NID1: variants seen among roughly 807,000 people sequenced by gnomAD.
NID1 encodes nidogen-1.
A neutral mutation model predicts 130.6 loss-of-function variants in NID1; 76 were observed. The observed-to-expected ratio is 0.58, with a 90% CI of 0.48 to 0.70. The LOEUF (loss-of-function observed/expected upper bound fraction) is 0.70, where lower values mean the gene tolerates loss of function less well. Ranked by LOEUF, NID1 falls within the 30% of genes least tolerant of loss-of-function variation. The probability of loss-of-function intolerance (pLI) is 0.00; values close to 1 mark genes in which losing one functional copy is unlikely to be tolerated. For missense variants in NID1, 1,517 were observed against 1,664.8 expected, an observed-to-expected ratio of 0.91 and a Z score of 1.54; for synonymous variants, 665 against 675.1, an observed-to-expected ratio of 0.98 and a Z score of 0.23.
intron 1 of NID1, among the ~76,000 whole-genome samples, chr1:236,050,800 G>C (rs1659744578): frequency 6.6e-6 from 1 of 151,838 alleles, no homozygotes; most frequent in Non-Finnish European, 1.5e-5. Flanking sequence ...TCCCCTAGCT[G>C]GGTGCAGAGG....
intron 17 of NID1, among the ~76,000 whole-genome samples, chr1:235,980,181 G>T (rs1269146065): frequency 6.6e-6 from 1 of 152,196 alleles, no homozygotes; most frequent in Non-Finnish European, 1.5e-5. Context: ...TTGCTTATCG[G>T]TATCAGGGTG....
At chr1:236,001,105 GAT>G (rs1491401786) in intron 12 of NID1, among the ~76,000 whole-genome samples, 2 of 141,560 alleles carry the variant, frequency 1.4e-5, no homozygotes, top group South Asian at 2.2e-4. Context: ...CTGGCTTTGA[GAT>G]TTTTTTTTTT....
intron 1 of NID1, among the ~76,000 whole-genome samples, chr1:236,052,271 C>G (rs1427928002): frequency 6.6e-6 from 1 of 152,200 alleles, no homozygotes; most frequent in Non-Finnish European, 1.5e-5. Context: ...AGCCTTGTTC[C>G]TTTTCTCCAT....
intron 4 of NID1, among the ~76,000 whole-genome samples, chr1:236,040,140 G>T (rs1659406918): frequency 6.6e-6 from 1 of 152,126 alleles, no homozygotes; most frequent in African/African-American, 2.4e-5. Flanking sequence ...CCTAGAAAGG[G>T]TGGAGACAGG....
intron 15 of NID1, among the ~76,000 whole-genome samples, chr1:235,985,046 A>C (rs1480227832): frequency 6.6e-6 from 1 of 152,102 alleles, no homozygotes; most frequent in Non-Finnish European, 1.5e-5. Context: ...ACAAAAAATT[A>C]GCCAGGCATG....
intron 12 of NID1, among the ~76,000 whole-genome samples, chr1:236,011,216 A>G (rs1658399936): frequency 6.6e-6 from 1 of 152,188 alleles, no homozygotes; most frequent in South Asian, 2.1e-4. Context: ...TGGCATGAAT[A>G]TATCTGACCA....
At chr1:236,045,953 T>C (rs1391226467) in intron 2 of NID1, among the ~76,000 whole-genome samples, 1 of 152,216 alleles carries the variant, frequency 6.6e-6, no homozygotes, top group African/African-American at 2.4e-5. Flanking sequence ...CCAAAAATTA[T>C]ACAGATGGTA....
intron 1 of NID1, 133 bp downstream of exon 1, chr1:236,064,722 C>A (rs1558455068): frequency 1.4e-6 from 1 of 730,262 alleles, no homozygotes; most frequent in Non-Finnish European, 2.2e-6. Flanking sequence ...GGAGACCCTG[C>A]GCCGTGCCCG....
chr1:236,064,179 G>C (rs952871454), intron 1 of NID1, among the ~76,000 whole-genome samples: 1 of 152,164 alleles, frequency 6.6e-6, no homozygotes, highest in Non-Finnish European at 1.5e-5. Flanking sequence ...GGCCAGTCAC[G>C]GGGAGGATCC....
intron 3 of NID1, among the ~76,000 whole-genome samples, chr1:236,044,518 T>A (rs1477094685): frequency 6.6e-6 from 1 of 152,054 alleles, no homozygotes; most frequent in Non-Finnish European, 1.5e-5. Flanking sequence ...ATCGTAGGAG[T>A]ATTTACATCA....
At chr1:236,020,627 C>T (rs532899742) in intron 9 of NID1, among the ~76,000 whole-genome samples, 18 of 152,144 alleles carry the variant, frequency 1.2e-4, no homozygotes, top group Non-Finnish European at 2.5e-4. Context: ...ATCATATCAG[C>T]GCTGCACACA....
intron 14 of NID1, 113 bp downstream of exon 14, chr1:235,990,773 A>C: frequency 8.8e-7 from 1 of 1,133,708 alleles, no homozygotes; most frequent in Admixed American, 2.0e-5. Flanking sequence ...ACATGGAATG[A>C]GCACCCATGG....
At chr1:235,997,154 TG>T (rs1657951740) in intron 12 of NID1, among the ~76,000 whole-genome samples, 1 of 152,128 alleles carries the variant, frequency 6.6e-6, no homozygotes, top group Non-Finnish European at 1.5e-5. Context: ...TTTTTTTTGA[TG>T]AGTAGAAGAT....
At chr1:236,037,985 A>G (rs1265621442) in intron 5 of NID1, 119 bp downstream of exon 5, 6 of 1,194,656 alleles carry the variant, frequency 5.0e-6, no homozygotes, top group East Asian at 2.6e-5. Flanking sequence ...TATGGCTGCC[A>G]TAAGAAAAAC....
chr1:235,982,812 G>C (rs1355698384), intron 15 of NID1, among the ~76,000 whole-genome samples: 1 of 152,178 alleles, frequency 6.6e-6, no homozygotes, highest in African/African-American at 2.4e-5. Flanking sequence ...GCAGGAAGGA[G>C]AAGGGGCTAC....
intron 9 of NID1, among the ~76,000 whole-genome samples, chr1:236,021,312 C>T (rs1248197986): frequency 1.3e-5 from 2 of 152,194 alleles, no homozygotes; most frequent in Non-Finnish European, 2.9e-5. Context: ...ATGTCCCCTC[C>T]CTAGCGATAC....
chr1:236,045,724 C>G lies in NID1; in HGVS notation c.526-41G>C, dbSNP rs3768088. On this transcript the variant is annotated intron_variant, in intron 2 of 19. Transcript: ENST00000264187. ...AAAATTCAGTTACTCGGAAAAATAT[C>G]GATAGATTTTAAAATGTGTTATTCG... The G allele has an allele frequency of 0.45, 657,423 of 1,459,054 alleles. 152,526 individuals are homozygous for G. Among genetic ancestry groups the G allele is most frequent in the East Asian group, 0.68 (28,351 of 41,890 alleles). 90.4% of individuals were successfully genotyped at this position (1,459,054 alleles called of 1,614,324 possible).
At position 236,038,801 on chromosome 1, in the gene NID1, T is replaced by C. The variant is rs1659344665; in HGVS notation, c.1136-548A>G. 2.5e-5 allele frequency among the ~76,000 whole-genome samples: 3 copies of C among 121,002 alleles called. 1 individual carries two copies. The highest frequency in any genetic ancestry group is 6.9e-5 in the African/African-American group (2 of 29,006). 79.4% of individuals were successfully genotyped at this position (121,002 alleles called of 152,430 possible). A position where few individuals can be genotyped will look rare whatever the true frequency, so the allele number is the denominator to read the frequency against. ...TTACCTATGCTATATAGGTCATATA[T>C]AATATATATTACCTATGTTATATAG... On this transcript the variant is annotated intron_variant, in intron 4 of 19. Coordinates refer to ENST00000264187, the MANE Select transcript of NID1 (RefSeq NM_002508.3).
intron 13 of NID1, among the ~76,000 whole-genome samples, chr1:235,992,561 C>A (rs998494677): frequency 2.0e-5 from 3 of 152,210 alleles, no homozygotes; most frequent in Non-Finnish European, 4.4e-5. Flanking sequence ...CACCGCCCCA[C>A]GCAAGCCAGG....
Sources: allele counts gnomAD v4.1 joint callset (sites outside exome capture counted in the v4.1 genomes callset), GRCh38; gene constraint gnomAD v4.1.1; transcripts MANE v1.5; gene names NCBI Gene and HGNC (gene_info 2026-07-23, HGNC 2026-07-21).